Variants in ABTB3 observed in about 807,000 individuals in gnomAD.
ABTB3 encodes ankyrin repeat- and BTB/POZ domain-containing protein 3.
the ABTB3 span, among the ~76,000 whole-genome samples, chr12:107,459,890 G>C: frequency 1.3e-5 from 2 of 152,274 alleles, no homozygotes; most frequent in Middle Eastern, 3.4e-3. Flanking sequence ...TGGCCCTCCC[G>C]CCCTGCAGAC....
At chr12:107,427,661 T>C in the ABTB3 span, among the ~76,000 whole-genome samples, 1 of 152,136 alleles carries the variant, frequency 6.6e-6, no homozygotes, top group Non-Finnish European at 1.5e-5. Flanking sequence ...TCTTCTGCCA[T>C]GTAAGGTGAC....
At chr12:107,575,594 C>G in the ABTB3 span, among the ~76,000 whole-genome samples, 2 of 152,178 alleles carry the variant, frequency 1.3e-5, no homozygotes, top group Non-Finnish European at 2.9e-5. Context: ...CCTAGAGGCT[C>G]TGGGAAAGAA....
the ABTB3 span, among the ~76,000 whole-genome samples, chr12:107,335,333 G>T: frequency 9.8e-6 from 1 of 101,704 alleles, no homozygotes. Flanking sequence ...AAAAGCAGCA[G>T]CATCGATGTA....
the ABTB3 span, among the ~76,000 whole-genome samples, chr12:107,358,135 C>T: frequency 6.6e-6 from 1 of 152,126 alleles, no homozygotes; most frequent in East Asian, 1.9e-4. Context: ...AATCCACATT[C>T]TAGTGGTGGA....
chr12:107,507,574 G>A, the ABTB3 span, among the ~76,000 whole-genome samples: 1 of 152,014 alleles, frequency 6.6e-6, no homozygotes, highest in Admixed American at 6.6e-5. Flanking sequence ...AGTGATATAC[G>A]AGCCCCTCAG....
the ABTB3 span, among the ~76,000 whole-genome samples, chr12:107,494,375 G>A: frequency 6.6e-6 from 1 of 152,168 alleles, no homozygotes; most frequent in African/African-American, 2.4e-5. Flanking sequence ...CCTGGGCTGA[G>A]TCTGCTGGTC....
At chr12:107,581,770 G>A in the ABTB3 span, among the ~76,000 whole-genome samples, 3 of 152,160 alleles carry the variant, frequency 2.0e-5, no homozygotes, top group African/African-American at 7.2e-5. Flanking sequence ...CTCTGTCAAG[G>A]TGGGAATTAC....
chr12:107,463,131 G>T, the ABTB3 span, among the ~76,000 whole-genome samples: 1 of 150,632 alleles, frequency 6.6e-6, no homozygotes, highest in South Asian at 2.1e-4. Flanking sequence ...GGAAGTGATG[G>T]TGATGATGGT....
At chr12:107,331,946 G>A in the ABTB3 span, among the ~76,000 whole-genome samples, 6 of 152,208 alleles carry the variant, frequency 3.9e-5, no homozygotes, top group African/African-American at 1.4e-4. Context: ...TTCGGCTGCT[G>A]CTCTAAGTTT....
chr12:107,343,362 GCCTCTTGGTCAATACTC>G, the ABTB3 span, among the ~76,000 whole-genome samples: 5 of 152,150 alleles, frequency 3.3e-5, no homozygotes, highest in African/African-American at 1.2e-4. Context: ...CAATGAAGAT[GCCTCTTGGTCAATACTC>G]CCTCAGTTAG....
chr12:107,499,384 G>A, the ABTB3 span, among the ~76,000 whole-genome samples: 326 of 152,108 alleles, frequency 2.1e-3, 1 homozygote, highest in African/African-American at 7.2e-3. Flanking sequence ...GTGTGTGTGC[G>A]TGTGGTGTGT....
the ABTB3 span, among the ~76,000 whole-genome samples, chr12:107,495,591 C>A: frequency 6.6e-6 from 1 of 152,238 alleles, no homozygotes; most frequent in African/African-American, 2.4e-5. Flanking sequence ...CCATGCCCAC[C>A]TCCAAGTCAC....
the ABTB3 span, among the ~76,000 whole-genome samples, chr12:107,452,809 C>A: frequency 1.3e-5 from 2 of 152,078 alleles, no homozygotes; most frequent in Non-Finnish European, 2.9e-5. Flanking sequence ...CCACTGCACT[C>A]CAGCCTGGGC....
the ABTB3 span, among the ~76,000 whole-genome samples, chr12:107,536,143 G>C: frequency 3.9e-5 from 6 of 152,052 alleles, no homozygotes; most frequent in Admixed American, 6.6e-5. Flanking sequence ...TTAGGGAAAG[G>C]ACACTCTTTT....
the ABTB3 span, among the ~76,000 whole-genome samples, chr12:107,323,723 A>T: frequency 6.6e-6 from 1 of 152,220 alleles, no homozygotes; most frequent in African/African-American, 2.4e-5. Flanking sequence ...CTTGGCTTCA[A>T]GAATGAGTTG....
chr12:107,322,995 T>G, the ABTB3 span, among the ~76,000 whole-genome samples: 1 of 152,242 alleles, frequency 6.6e-6, no homozygotes, highest in Non-Finnish European at 1.5e-5. Context: ...TATCCCCTGC[T>G]AAGCCTAAGA....
the ABTB3 span, among the ~76,000 whole-genome samples, chr12:107,656,726 A>G: frequency 6.6e-6 from 1 of 152,266 alleles, no homozygotes; most frequent in Admixed American, 6.5e-5. Context: ...AATGACACTA[A>G]TATACAAAGC....
At chr12:107,377,512 T>G in the ABTB3 span, among the ~76,000 whole-genome samples, 1 of 151,822 alleles carries the variant, frequency 6.6e-6, no homozygotes, top group Non-Finnish European at 1.5e-5. Flanking sequence ...GAATCCCAAC[T>G]TGCCTCAGGG....
the ABTB3 span, chr12:107,657,604 G>A: frequency 1.2e-5 from 20 of 1,614,204 alleles, no homozygotes; most frequent in East Asian, 4.5e-5. Flanking sequence ...AGCAGCTCCT[G>A]TATGACAAAA....
Sources: allele counts gnomAD v4.1 joint callset (sites outside exome capture counted in the v4.1 genomes callset), GRCh38; gene constraint gnomAD v4.1.1; transcripts MANE v1.5; gene names NCBI Gene and HGNC (gene_info 2026-07-23, HGNC 2026-07-21).